KLHL1: variants seen among roughly 807,000 people sequenced by gnomAD.
The protein encoded by KLHL1 is kelch-like protein 1.
Under a neutral mutation model 77.7 loss-of-function variants are expected in KLHL1, and 47 were observed. The observed-to-expected ratio is 0.60, with a 90% CI of 0.48 to 0.77. The LOEUF is 0.77. Among genes scored for constraint, KLHL1 ranks in the 30% least tolerant of loss-of-function variants. The probability of loss-of-function intolerance (pLI) is 0.00; values close to 1 mark genes in which losing one functional copy is unlikely to be tolerated. For missense variants in KLHL1, 925 were observed against 910.8 expected (o/e 1.02, Z -0.20); for synonymous variants, 360 against 325.2 (o/e 1.11, Z -1.15).
At chr13:70,057,758 G>A (rs1886780798) in intron 1 of KLHL1, among the ~76,000 whole-genome samples, 1 of 138,868 alleles carries the variant, frequency 7.2e-6, no homozygotes, top group African/African-American at 2.7e-5. Flanking sequence ...AGTCCGGCCT[G>A]GGCGACAGAG....
At chr13:69,990,116 C>T (rs543091472) in intron 1 of KLHL1, among the ~76,000 whole-genome samples, 39 of 152,004 alleles carry the variant, frequency 2.6e-4, no homozygotes. Flanking sequence ...CCTTTATAGA[C>T]AAGCAAATGC....
intron 6 of KLHL1, among the ~76,000 whole-genome samples, chr13:69,816,427 ATTT>A (rs111470171): frequency 6.8e-6 from 1 of 147,196 alleles, no homozygotes; most frequent in African/African-American, 2.5e-5. Flanking sequence ...CGCCTGGCTA[ATTT>A]TTTTTTTTCC....
intron 3 of KLHL1, among the ~76,000 whole-genome samples, chr13:69,957,710 GA>G (rs1478114587): frequency 6.6e-6 from 1 of 151,696 alleles, no homozygotes; most frequent in Non-Finnish European, 1.5e-5. Flanking sequence ...TACAACTTAA[GA>G]TACCAATTAT....
intron 4 of KLHL1, among the ~76,000 whole-genome samples, chr13:69,906,392 T>C (rs1434292057): frequency 6.6e-6 from 1 of 151,956 alleles, no homozygotes; most frequent in African/African-American, 2.4e-5. Flanking sequence ...TTGTTTGTTT[T>C]TTGCACCCTT....
At chr13:69,828,179 C>A (rs1005755562) in intron 6 of KLHL1, among the ~76,000 whole-genome samples, 3 of 150,112 alleles carry the variant, frequency 2.0e-5, no homozygotes, top group African/African-American at 7.5e-5. Context: ...CTTGCCACAG[C>A]ACACTCCATG....
intron 7 of KLHL1, among the ~76,000 whole-genome samples, chr13:69,785,399 A>T (rs867742133): frequency 6.6e-6 from 1 of 152,160 alleles, no homozygotes. Flanking sequence ...CTGCTCCTCA[A>T]TGACTACTGG....
At chr13:69,934,963 T>TATATATATATATATATATATAC in intron 4 of KLHL1, among the ~76,000 whole-genome samples, 1 of 12,678 alleles carries the variant, frequency 7.9e-5, no homozygotes, top group Middle Eastern at 0.028. Context: ...TGTGCATGTG[T>TATATATATATATATATATATAC]ATATATATAT....
chr13:69,937,000 A>T (rs768466949), intron 4 of KLHL1, among the ~76,000 whole-genome samples: 1 of 152,138 alleles, frequency 6.6e-6, no homozygotes, highest in South Asian at 2.1e-4. Context: ...TCCAGCTTTC[A>T]TATCTTACAT....
chr13:70,030,020 G>T (rs568839215), intron 1 of KLHL1, among the ~76,000 whole-genome samples: 1 of 152,256 alleles, frequency 6.6e-6, no homozygotes, highest in African/African-American at 2.4e-5. Context: ...ATGGTAAAGG[G>T]ATCAATTCAA....
At chr13:69,951,537 G>T (rs1883711689) in intron 3 of KLHL1, among the ~76,000 whole-genome samples, 1 of 151,514 alleles carries the variant, frequency 6.6e-6, no homozygotes, top group Non-Finnish European at 1.5e-5. Flanking sequence ...AAAGAAAAAT[G>T]TTGGCAGTTT....
At chr13:70,057,174 A>G (rs1347542584) in intron 1 of KLHL1, among the ~76,000 whole-genome samples, 2 of 152,108 alleles carry the variant, frequency 1.3e-5, no homozygotes, top group Non-Finnish European at 2.9e-5. Flanking sequence ...AATAACTTTG[A>G]AAACATAGAA....
At chr13:69,755,425 T>G (rs531079230) in intron 7 of KLHL1, among the ~76,000 whole-genome samples, 2 of 152,114 alleles carry the variant, frequency 1.3e-5, no homozygotes, top group East Asian at 3.9e-4. Flanking sequence ...GATTACCCAG[T>G]CTCTGGTATT....
chr13:70,096,075 T>A (rs966712815), intron 1 of KLHL1, among the ~76,000 whole-genome samples: 2 of 151,986 alleles, frequency 1.3e-5, no homozygotes, highest in African/African-American at 4.8e-5. Context: ...TGTACCATAT[T>A]TTTTATCCAT....
In KLHL1 at chr13:69,813,612, C is replaced by G. The variant is rs1877994630; in HGVS notation, c.1415-16650G>C. Among the ~76,000 whole-genome samples the G allele has an allele frequency of 2.0e-5, 3 of 151,706 alleles. No homozygotes were observed. The South Asian group carries it at 6.2e-4, about 31-fold the overall frequency. On this transcript the variant is annotated intron_variant, in intron 6 of 10. Transcript: ENST00000377844. The stretch of plus-strand genomic sequence containing the variant: ...GGCATTTCTATATACAAATAATGTT[C>G]AAGGTGAGAACCGAATCAAGAATCC...
chr13:69,752,330 GTTTGA>G, intron 7 of KLHL1, among the ~76,000 whole-genome samples: 1 of 152,142 alleles, frequency 6.6e-6, no homozygotes, highest in Non-Finnish European at 1.5e-5. Context: ...CTCTATCTAT[GTTTGA>G]TTTATCTAAG....
intron 6 of KLHL1, among the ~76,000 whole-genome samples, chr13:69,801,657 G>C (rs1877387755): frequency 6.6e-6 from 1 of 151,852 alleles, no homozygotes; most frequent in African/African-American, 2.4e-5. Flanking sequence ...ATCATATATA[G>C]AAAATCTGAA....
intron 6 of KLHL1, among the ~76,000 whole-genome samples, chr13:69,809,520 T>C (rs1877770761): frequency 6.6e-6 from 1 of 152,086 alleles, no homozygotes; most frequent in Non-Finnish European, 1.5e-5. Context: ...AGAGAATTAA[T>C]CAGCACCAGA....
intron 7 of KLHL1, among the ~76,000 whole-genome samples, chr13:69,763,777 G>A (rs570767418): frequency 6.6e-6 from 1 of 152,220 alleles, no homozygotes; most frequent in Non-Finnish European, 1.5e-5. Flanking sequence ...GGAGTCACTA[G>A]TGCTAAATGC....
At chr13:69,974,357 A>G (rs1725490583) in intron 2 of KLHL1, among the ~76,000 whole-genome samples, 1 of 151,496 alleles carries the variant, frequency 6.6e-6, no homozygotes, top group African/African-American at 2.4e-5. Flanking sequence ...AAGAATTTTG[A>G]TTTCTCATCC....
Sources: allele counts gnomAD v4.1 joint callset (sites outside exome capture counted in the v4.1 genomes callset), GRCh38; gene constraint gnomAD v4.1.1; transcripts MANE v1.5; gene names NCBI Gene and HGNC (gene_info 2026-07-23, HGNC 2026-07-21).